Variants in CPT1A observed in about 807,000 individuals in gnomAD.
CPT1A encodes carnitine O-palmitoyltransferase 1, liver isoform.
A neutral mutation model predicts 100.8 loss-of-function variants in CPT1A; 64 were observed. That is an observed-to-expected ratio of 0.63 (90% CI 0.52 to 0.78). The LOEUF (loss-of-function observed/expected upper bound fraction) is 0.78, where lower values mean the gene tolerates loss of function less well. Among genes scored for constraint, CPT1A ranks in the 30% least tolerant of loss-of-function variants. CPT1A has a pLI of 0.00. For synonymous variants in CPT1A, 363 were observed against 396.0 expected (o/e 0.92, Z 0.99); for missense variants, 802 against 1,034.1 (o/e 0.78, Z 3.08).
chr11:68,805,849 G>A (rs918174715), intron 4 of CPT1A, among the ~76,000 whole-genome samples: 22 of 152,242 alleles, frequency 1.4e-4, no homozygotes, highest in African/African-American at 4.1e-4. Flanking sequence ...TTGAGGTGCC[G>A]AGCAAAGCCC....
intron 13 of CPT1A, chr11:68,773,953 G>C: frequency 5.1e-6 from 1 of 194,392 alleles, no homozygotes; most frequent in South Asian, 1.0e-4. Flanking sequence ...AAGTGAGCAT[G>C]CGCACAACTC....
rs749633105 is a variant in CPT1A at position 68,815,459 on chromosome 11, G to C, written c.16C>G (p.Gln6Glu). 1 of 1,614,020 alleles carries C rather than the reference G, an allele frequency of 6.2e-7. No homozygotes were observed. Among genetic ancestry groups the C allele is most frequent in the Non-Finnish European group, 8.5e-7 (1 of 1,180,026 alleles). ...ACCGTGAACTGAAAGGCCACAGCTTGGTGAGCTTCTGCCATCTTCAGAGAG... is the reference window on the plus strand; with the variant it reads ...ACCGTGAACTGAAAGGCCACAGCTTCGTGAGCTTCTGCCATCTTCAGAGAG... MAEAH[Q>E]AVAFQFTVTP... The change falls in exon 2 of 19, where the codon CAA becomes GAA. Residue 6 changes from glutamine to glutamate, a missense_variant. Coordinates refer to ENST00000265641, the MANE Select transcript of CPT1A (RefSeq NM_001876.4).
At chr11:68,816,151 GC>G (rs2154001417) in intron 1 of CPT1A, among the ~76,000 whole-genome samples, 1 of 150,470 alleles carries the variant, frequency 6.6e-6, no homozygotes, top group South Asian at 2.1e-4. Flanking sequence ...ATTAGAAGAG[GC>G]CCAGAGTGTC....
chr11:68,768,225 G>A (rs11607771), intron 14 of CPT1A, among the ~76,000 whole-genome samples: 1 of 150,406 alleles, frequency 6.6e-6, no homozygotes, highest in Non-Finnish European at 1.5e-5. Context: ...ACAGGCGCCC[G>A]CCACCGCGCC....
chr11:68,777,608 A>G (rs902829063), intron 12 of CPT1A, among the ~76,000 whole-genome samples: 1 of 152,204 alleles, frequency 6.6e-6, no homozygotes, highest in Non-Finnish European at 1.5e-5. Context: ...TGTCTGCTGG[A>G]CGCTAACAAC....
intron 14 of CPT1A, among the ~76,000 whole-genome samples, chr11:68,763,022 AT>A (rs926188567): frequency 1.3e-5 from 2 of 151,500 alleles, no homozygotes; most frequent in East Asian, 1.9e-4. Flanking sequence ...TTTTTTTAAA[AT>A]TTTTTTTGTA....
intron 14 of CPT1A, among the ~76,000 whole-genome samples, chr11:68,768,242 A>AT (rs566026700): frequency 2.4e-3 from 348 of 146,368 alleles, no homozygotes; most frequent in African/African-American, 8.6e-3. Flanking sequence ...CGCCCGGCTA[A>AT]TTTTTTGTAT....
intron 1 of CPT1A, chr11:68,839,661 C>A: frequency 1.0e-6 from 1 of 985,504 alleles, no homozygotes; most frequent in South Asian, 4.7e-5. Flanking sequence ...GCAGGCACCG[C>A]GCTCAAGAGC....
At chr11:68,805,986 A>G (rs1209797096) in intron 4 of CPT1A, among the ~76,000 whole-genome samples, 2 of 150,738 alleles carry the variant, frequency 1.3e-5, no homozygotes, top group Non-Finnish European at 3.0e-5. Context: ...CCCATCTTGG[A>G]GGGTTGATTT....
intron 4 of CPT1A, 96 bp from the exon 5 acceptor site, chr11:68,804,197 G>A: frequency 1.1e-6 from 1 of 901,594 alleles, no homozygotes; most frequent in Non-Finnish European, 1.8e-6. Context: ...GGTCAGTCCT[G>A]GTTAGTACTT....
At chr11:68,758,267 AAAAC>A (rs891628009) in intron 18 of CPT1A, among the ~76,000 whole-genome samples, 11 of 146,672 alleles carry the variant, frequency 7.5e-5, no homozygotes, top group Non-Finnish European at 1.2e-4. Context: ...GACCCTGTCT[AAAAC>A]AAACAAACAA....
Position 68,796,811 on chromosome 11 carries a change from G to A in CPT1A, c.771+45C>T, listed in dbSNP as rs763633345. ...CGCCACCTCTGTGGACAGACCCGCC[G>A]CCCCACCGTCCTCGTCAGACAGCAG... On this transcript the variant is annotated intron_variant, in intron 7 of 18. Transcript: ENST00000265641. The A allele has an allele frequency of 6.9e-5, 110 of 1,590,340 alleles. No individual in the cohort carries two copies. In the Admixed American group the frequency reaches 1.7e-3, roughly 25 times the overall value.
intron 9 of CPT1A, chr11:68,786,019 T>C: frequency 1.4e-6 from 1 of 702,236 alleles, no homozygotes. Flanking sequence ...CAGTGACAGC[T>C]GATCAAGGCA....
rs191636303 is a variant in CPT1A at position 68,777,588 on chromosome 11, C to T, written c.1459-2156G>A. 5.8e-3 allele frequency among the ~76,000 whole-genome samples: 889 copies of T among 152,340 alleles called. 2 individuals are homozygous for T. Among genetic ancestry groups the T allele is most frequent in the Non-Finnish European group, 9.8e-3 (667 of 68,040 alleles). On this transcript the variant is annotated intron_variant, in intron 12 of 18. Transcript: ENST00000265641. ...GCCCCCAGCCAGGGGTCCCTGGAGTCAGGCCATCCTGTCTGCTGGACGCTA... is the reference window on the plus strand; with the variant it reads ...GCCCCCAGCCAGGGGTCCCTGGAGTTAGGCCATCCTGTCTGCTGGACGCTA...
chr11:68,809,584 C>T (rs960162482), intron 3 of CPT1A, among the ~76,000 whole-genome samples: 11 of 152,244 alleles, frequency 7.2e-5, no homozygotes, highest in South Asian at 2.1e-4. Flanking sequence ...CCTCCTGCCT[C>T]GGCCTCCCAA....
Position 68,815,329 on chromosome 11 carries a change from A to C in CPT1A, c.141+5T>G. ...CTGTGTAGATTTCAACAAATCTCAG[A>C]AAACCTTGAATCTGATGAACTTCTT... On this transcript the variant is annotated splice_donor_5th_base_variant and intron_variant, in intron 2 of 18. Coordinates refer to ENST00000265641, the MANE Select transcript of CPT1A (RefSeq NM_001876.4). The C allele has an allele frequency of 6.2e-7, 1 of 1,613,988 alleles. No individual in the cohort carries two copies. The highest frequency in any genetic ancestry group is 8.5e-7 in the Non-Finnish European group (1 of 1,179,982).
At chr11:68,776,162 G>A (rs1440353526) in intron 12 of CPT1A, among the ~76,000 whole-genome samples, 1 of 152,236 alleles carries the variant, frequency 6.6e-6, no homozygotes, top group Non-Finnish European at 1.5e-5. Flanking sequence ...ACTTTGGGAG[G>A]CCAAGGTGGG....
intron 14 of CPT1A, among the ~76,000 whole-genome samples, chr11:68,769,993 G>A (rs947327370): frequency 6.6e-6 from 1 of 151,394 alleles, no homozygotes; most frequent in African/African-American, 2.4e-5. Flanking sequence ...GTGAGCAGCC[G>A]AGGCTGCAGT....
At chr11:68,798,686 G>A (rs750079395) in intron 6 of CPT1A, among the ~76,000 whole-genome samples, 11 of 152,058 alleles carry the variant, frequency 7.2e-5, no homozygotes, top group Non-Finnish European at 1.2e-4. Context: ...CAGCGAGCTC[G>A]GGAAGGATGC....
Sources: gnomAD v4.1 joint callset for allele counts (sites outside exome capture counted in the v4.1 genomes callset) on GRCh38, gnomAD v4.1.1 for gene constraint, MANE v1.5 for transcripts, NCBI Gene and HGNC (gene_info 2026-07-23, HGNC 2026-07-21) for gene names.